The following IGSF10 variants were observed in gnomAD, a reference collection of about 807,000 sequenced individuals.
The protein encoded by IGSF10 is calvaria mechanical force protein 608.
In IGSF10, 126 loss-of-function variants were observed where a neutral mutation model predicts 128.2. That is an observed-to-expected ratio of 0.98 (90% CI 0.85 to 1.14). The LOEUF is 1.14. Among genes scored for constraint, IGSF10 ranks in the 50% most tolerant of loss-of-function variants. IGSF10 has a pLI of 0.00. For synonymous variants in IGSF10, 1,185 were observed against 1,146.2 expected (o/e 1.03, Z -0.68); for missense variants, 3,295 against 3,149.8 (o/e 1.05, Z -1.10).
chr3:151,496,075 CT>C, the IGSF10 span, among the ~76,000 whole-genome samples: 1 of 152,064 alleles, frequency 6.6e-6, no homozygotes, highest in Admixed American at 6.6e-5. Flanking sequence ...AATATAAGGC[CT>C]TTCTAGAAGC....
chr3:151,533,107 G>A, the IGSF10 span, among the ~76,000 whole-genome samples: 1 of 152,090 alleles, frequency 6.6e-6, no homozygotes, highest in South Asian at 2.1e-4. Context: ...AACTTACAAG[G>A]GATGTGAAGG....
chr3:151,549,832 C>T, the IGSF10 span, among the ~76,000 whole-genome samples: 1 of 152,056 alleles, frequency 6.6e-6, no homozygotes, highest in South Asian at 2.1e-4. Context: ...GTTAACTAAT[C>T]TAGATATGTC....
the IGSF10 span, among the ~76,000 whole-genome samples, chr3:151,592,884 A>T: frequency 2.6e-5 from 4 of 152,144 alleles, no homozygotes; most frequent in African/African-American, 9.7e-5. Flanking sequence ...AACTTAATAT[A>T]ATGTTTGGGT....
the IGSF10 span, among the ~76,000 whole-genome samples, chr3:151,573,942 C>T: frequency 6.6e-6 from 1 of 152,220 alleles, no homozygotes; most frequent in Admixed American, 6.5e-5. Context: ...AAAAATCTCT[C>T]AGCATTTCCT....
Position 151,437,477 on chromosome 3 carries a change from C to G in IGSF10, c.7084G>C (p.Asp2362His), listed in dbSNP as rs375529138. ...GKSTALNCSV[D>H]GNPPPEIIWI... ...ATTATTTCAGGTGGTGGGTTACCAT[C>G]AACAGAGCAATTCAATGCTGTGGAC... The change falls in exon 8 of 8, where the codon GAT becomes CAT. Residue 2362 changes from aspartate (D) to histidine (H), a missense_variant. By Grantham distance (81) the Asp-to-His change is moderately conservative. Coordinates refer to ENST00000282466, the MANE Select transcript of IGSF10 (RefSeq NM_178822.5). 73 of 1,614,068 alleles carry G rather than the reference C, an allele frequency of 4.5e-5. No individual in the cohort carries two copies. Among genetic ancestry groups the G allele is most frequent in the Middle Eastern group, 1.6e-4 (1 of 6,084 alleles).
At chr3:151,533,187 C>T in the IGSF10 span, among the ~76,000 whole-genome samples, 1 of 152,164 alleles carries the variant, frequency 6.6e-6, no homozygotes, top group African/African-American at 2.4e-5. Flanking sequence ...GAAAACATTC[C>T]ATGCTCATGG....
the IGSF10 span, among the ~76,000 whole-genome samples, chr3:151,561,917 T>C: frequency 6.6e-6 from 1 of 152,160 alleles, no homozygotes; most frequent in African/African-American, 2.4e-5. Context: ...ATGTAACCCA[T>C]GTGTATAGCC....
At chr3:151,552,392 G>A in the IGSF10 span, among the ~76,000 whole-genome samples, 2 of 152,128 alleles carry the variant, frequency 1.3e-5, no homozygotes, top group Admixed American at 6.5e-5. Context: ...GGCAAGGAAG[G>A]CAACTTTATT....
chr3:151,613,656 C>A, the IGSF10 span, among the ~76,000 whole-genome samples: 2 of 152,178 alleles, frequency 1.3e-5, no homozygotes, highest in Non-Finnish European at 2.9e-5. Context: ...CTTCCTTACA[C>A]CTTATACAAA....
At chr3:151,475,027 C>G in the IGSF10 span, among the ~76,000 whole-genome samples, 1 of 152,152 alleles carries the variant, frequency 6.6e-6, no homozygotes, top group African/African-American at 2.4e-5. Context: ...TATTAAGGAG[C>G]ATGTCTTAGG....
At chr3:151,483,716 A>T in the IGSF10 span, among the ~76,000 whole-genome samples, 1 of 151,966 alleles carries the variant, frequency 6.6e-6, no homozygotes, top group Non-Finnish European at 1.5e-5. Flanking sequence ...GGGTCAGGGA[A>T]CTCCCTCTCT....
chr3:151,438,865 TAG>T lies in IGSF10; in HGVS notation c.5964-270_5964-269del, dbSNP rs368154072. Among the ~76,000 whole-genome samples, 212 of 150,574 alleles carry T rather than the reference TAG, an allele frequency of 1.4e-3. 1 individual carries two copies. Among genetic ancestry groups the T allele is most frequent in the African/African-American group, 4.3e-3 (177 of 40,814 alleles). On this transcript the variant is annotated intron_variant, in intron 7 of 7. Coordinates refer to ENST00000282466, the MANE Select transcript of IGSF10 (RefSeq NM_178822.5). Reference sequence around the variant, plus strand: ...ATACATTTTGAGGTATATATATATATAGAGAGAGAGAAATGACCACGATTAAC... The same window carrying T: ...ATACATTTTGAGGTATATATATATATAGAGAGAGAAATGACCACGATTAAC...
chr3:151,446,434 C>T lies in IGSF10; in HGVS notation c.3547G>A (p.Gly1183Ser). 6.2e-7 allele frequency: 1 copy of T among 1,614,040 alleles called. No individual in the cohort carries two copies. Among genetic ancestry groups the T allele is most frequent in the South Asian group, 1.1e-5 (1 of 91,074 alleles). The change falls in exon 6 of 8, where the codon GGT (glycine) becomes AGT (serine). Residue 1183 changes from glycine to serine, a missense_variant. Gly to Ser is a moderately conservative substitution (Grantham distance 56, BLOSUM62 0). Transcript: ENST00000282466. ...GTCATTGGTGGCTTGGTGATAGCACCTGAAAGTGACGATGTAATCACTGAA... is the reference window on the plus strand; with the variant it reads ...GTCATTGGTGGCTTGGTGATAGCACTTGAAAGTGACGATGTAATCACTGAA... ...RDSVITSSLS[G>S]AITKPPMTII... is the part of the protein sequence containing the mutation.
the IGSF10 span, among the ~76,000 whole-genome samples, chr3:151,517,906 A>AC: frequency 6.6e-6 from 1 of 151,870 alleles, no homozygotes; most frequent in Non-Finnish European, 1.5e-5. Context: ...TCTGACCCTT[A>AC]CAAAAAAAAT....
the IGSF10 span, among the ~76,000 whole-genome samples, chr3:151,530,686 G>A: frequency 6.6e-6 from 1 of 152,106 alleles, no homozygotes; most frequent in Non-Finnish European, 1.5e-5. Context: ...TCCCCACCAG[G>A]CCTGCCTTAC....
chr3:151,497,357 G>T, the IGSF10 span, among the ~76,000 whole-genome samples: 1 of 152,242 alleles, frequency 6.6e-6, no homozygotes, highest in East Asian at 1.9e-4. Flanking sequence ...TTAGTATAAG[G>T]TGTAAGGAAG....
the IGSF10 span, among the ~76,000 whole-genome samples, chr3:151,572,436 G>A: frequency 6.6e-6 from 1 of 151,918 alleles, no homozygotes; most frequent in East Asian, 1.9e-4. Flanking sequence ...ACTTCTTCTT[G>A]GTTTAGTCTT....
chr3:151,557,259 G>A, the IGSF10 span, among the ~76,000 whole-genome samples: 1 of 152,190 alleles, frequency 6.6e-6, no homozygotes. Context: ...TAGGAGAGCT[G>A]TAGGCAATGT....
the IGSF10 span, among the ~76,000 whole-genome samples, chr3:151,584,725 T>G: frequency 4.6e-5 from 7 of 152,206 alleles, no homozygotes; most frequent in Non-Finnish European, 8.8e-5. Context: ...TACCATGAAG[T>G]CAGTCCAACA....
Sources: allele counts gnomAD v4.1 joint callset (sites outside exome capture counted in the v4.1 genomes callset), GRCh38; gene constraint gnomAD v4.1.1; transcripts MANE v1.5; gene names NCBI Gene and HGNC (gene_info 2026-07-23, HGNC 2026-07-21).